NTN4: variants seen among roughly 807,000 people sequenced by gnomAD.
NTN4 encodes netrin-4.
In NTN4, 32 loss-of-function variants were observed where a neutral mutation model predicts 73.6. That is an observed-to-expected ratio of 0.44 (90% CI 0.33 to 0.58). The LOEUF is 0.58. Among genes scored for constraint, NTN4 ranks in the 20% least tolerant of loss-of-function variants. The probability of loss-of-function intolerance (pLI) is 0.04; values close to 1 mark genes in which losing one functional copy is unlikely to be tolerated. For missense variants in NTN4, 654 were observed against 798.3 expected (o/e 0.82, Z 2.18); for synonymous variants, 258 against 287.5 (o/e 0.90, Z 1.04).
intron 7 of NTN4, among the ~76,000 whole-genome samples, chr12:95,681,901 G>A (rs2078318877): frequency 6.6e-6 from 1 of 152,046 alleles, no homozygotes; most frequent in Non-Finnish European, 1.5e-5. Flanking sequence ...TATTTAGTTT[G>A]TAGAATTACT....
chr12:95,718,594 T>G (rs181475596), intron 3 of NTN4, among the ~76,000 whole-genome samples: 34 of 152,100 alleles, frequency 2.2e-4, no homozygotes, highest in Non-Finnish European at 4.1e-4. Flanking sequence ...AAATGACATA[T>G]AGCTGGATCC....
rs2078106457 is a variant in NTN4 at position 95,658,170 on chromosome 12, A to G, written c.*916T>C. On this transcript the variant is annotated 3_prime_UTR_variant, in exon 10 of 10. Coordinates refer to ENST00000343702, the MANE Select transcript of NTN4 (RefSeq NM_021229.4). The stretch of plus-strand genomic sequence containing the variant: ...AAATATAACAAATTCTGTGTCTACA[A>G]TAATTTTTGAAGTGTATACAAGTGC... The G allele has an allele frequency of 6.6e-6, 1 of 152,236 alleles. No individual in the cohort carries two copies. The highest frequency in any genetic ancestry group is 2.4e-5 in the African/African-American group (1 of 41,462). The allele number at this position is 152,236 out of a possible 1,614,324, so 9.4% of individuals were successfully genotyped here.
At chr12:95,670,349 T>A (rs2120940612) in intron 7 of NTN4, 1 of 405,496 alleles carries the variant, frequency 2.5e-6, no homozygotes, top group South Asian at 7.4e-5. Flanking sequence ...CAATAAAGTA[T>A]TCATCCAAGA....
At chr12:95,682,061 T>TTTTTTTTTTTTTG in intron 7 of NTN4, among the ~76,000 whole-genome samples, 1 of 83,036 alleles carries the variant, frequency 1.2e-5, no homozygotes, top group Non-Finnish European at 2.7e-5. Flanking sequence ...AGTAGGCTTT[T>TTTTTTTTTTTTTG]TTTTTTTTTT....
chr12:95,771,569 G>C (rs1375550675), intron 2 of NTN4, among the ~76,000 whole-genome samples: 2 of 152,052 alleles, frequency 1.3e-5, no homozygotes, highest in African/African-American at 4.8e-5. Context: ...ACATTAAGCA[G>C]AAAAATGTGT....
chr12:95,782,567 C>T (rs956890795), intron 2 of NTN4, among the ~76,000 whole-genome samples: 2 of 152,304 alleles, frequency 1.3e-5, no homozygotes, highest in East Asian at 3.9e-4. Context: ...GCTGGGATTA[C>T]AGGCGTGAGC....
At chr12:95,669,809 TCTCTCTG>T (rs1460925781) in intron 8 of NTN4, among the ~76,000 whole-genome samples, 1 of 152,210 alleles carries the variant, frequency 6.6e-6, no homozygotes, top group East Asian at 1.9e-4. Context: ...CATGATTTCT[TCTCTCTG>T]CTCTCTGCCT....
At position 95,787,465 on chromosome 12, in the gene NTN4, A is replaced by G; in HGVS notation, c.59T>C (p.Leu20Pro). The change falls in exon 2 of 10, where the codon CTG (leucine) becomes CCG (proline). Residue 20 changes from leucine to proline, a missense_variant. Transcript: ENST00000343702. Reference sequence around the variant, plus strand: ...GGAACTCACTCCAGCTACTCCACTCAGTCCTAAGAAAGGGAAAGCATGCAT... The same window carrying G: ...GGAACTCACTCCAGCTACTCCACTCGGTCCTAAGAAAGGGAAAGCATGCAT... ...LWGCTVVAAG[L>P]SGVAGVSSRC... is the part of the protein sequence containing the mutation. 2 of 1,613,210 alleles carry G rather than the reference A, an allele frequency of 1.2e-6. No homozygotes were observed. Among genetic ancestry groups the G allele is most frequent in the Non-Finnish European group, 1.7e-6 (2 of 1,179,578 alleles).
At chr12:95,757,729 G>C (rs1340317375) in intron 2 of NTN4, among the ~76,000 whole-genome samples, 1 of 130,134 alleles carries the variant, frequency 7.7e-6, no homozygotes, top group Non-Finnish European at 1.8e-5. Context: ...GGAAAATAGT[G>C]AAAATTCATT....
chr12:95,727,736 T>C (rs946976431), intron 3 of NTN4, among the ~76,000 whole-genome samples: 2 of 152,196 alleles, frequency 1.3e-5, no homozygotes, highest in African/African-American at 4.8e-5. Context: ...AAAGTGTGAG[T>C]TCTCCAACTT....
intron 3 of NTN4, among the ~76,000 whole-genome samples, chr12:95,714,574 A>G (rs1442811019): frequency 6.6e-6 from 1 of 152,216 alleles, no homozygotes; most frequent in Non-Finnish European, 1.5e-5. Flanking sequence ...CTGGAGAAAA[A>G]AGAGTTACAT....
At chr12:95,694,063 C>T (rs2078422376) in intron 5 of NTN4, among the ~76,000 whole-genome samples, 1 of 149,424 alleles carries the variant, frequency 6.7e-6, no homozygotes, top group East Asian at 1.9e-4. Flanking sequence ...CTGTCTTCCA[C>T]TGAGGGAGTG....
chr12:95,672,164 G>T, intron 7 of NTN4: 1 of 467,242 alleles, frequency 2.1e-6, no homozygotes, highest in South Asian at 2.0e-5. Context: ...CTACAAAAAA[G>T]ATTAAAAATT....
At chr12:95,697,013 TAAA>T (rs1018564657) in intron 5 of NTN4, among the ~76,000 whole-genome samples, 1 of 143,802 alleles carries the variant, frequency 7.0e-6, no homozygotes, top group African/African-American at 2.5e-5. Context: ...CTACAAAAAA[TAAA>T]AAAAAAAAAT....
chr12:95,725,594 A>T (rs2078687851), intron 3 of NTN4, among the ~76,000 whole-genome samples: 1 of 152,150 alleles, frequency 6.6e-6, no homozygotes, highest in South Asian at 2.1e-4. Context: ...TCAGTATTCT[A>T]TACAGGGCAC....
chr12:95,780,832 C>G (rs1463377819), intron 2 of NTN4, among the ~76,000 whole-genome samples: 1 of 152,190 alleles, frequency 6.6e-6, no homozygotes, highest in East Asian at 1.9e-4. Context: ...AGTCATGCTG[C>G]TATAAAGATA....
At chr12:95,713,151 A>G (rs1336861171) in intron 4 of NTN4, 61 bp downstream of exon 4, 2 of 1,569,020 alleles carry the variant, frequency 1.3e-6, no homozygotes, top group African/African-American at 1.3e-5. Context: ...GACAACAAGG[A>G]GTCCACAGAT....
At chr12:95,660,165 C>T (rs980205015) in intron 9 of NTN4, among the ~76,000 whole-genome samples, 1 of 152,086 alleles carries the variant, frequency 6.6e-6, no homozygotes, top group Non-Finnish European at 1.5e-5. Flanking sequence ...AGGCATGCAC[C>T]ACCATGCCTG....
At chr12:95,679,946 C>T (rs895073719) in intron 7 of NTN4, among the ~76,000 whole-genome samples, 1 of 152,126 alleles carries the variant, frequency 6.6e-6, no homozygotes, top group East Asian at 1.9e-4. Context: ...TATCTTCTGC[C>T]TAAACTCTCT....
Sources: gnomAD v4.1 joint callset for allele counts (sites outside exome capture counted in the v4.1 genomes callset) on GRCh38, gnomAD v4.1.1 for gene constraint, MANE v1.5 for transcripts, NCBI Gene and HGNC (gene_info 2026-07-23, HGNC 2026-07-21) for gene names.